Variants in CCND3 observed in about 807,000 individuals in gnomAD.
The protein encoded by CCND3 is cyclin D3, also known as G1/S-specific cyclin-D3.
CCND3 carries 9 observed loss-of-function variants against 28.7 expected under a neutral mutation model. The observed-to-expected ratio is 0.31, with a 90% confidence interval of 0.19 to 0.55. The LOEUF (loss-of-function observed/expected upper bound fraction) is 0.55, where lower values mean the gene tolerates loss of function less well. Among genes scored for constraint, CCND3 ranks in the 20% least tolerant of loss-of-function variants. The pLI is 0.93. For synonymous variants in CCND3, 164 were observed against 163.9 expected (o/e 1.00, Z 0.00); for missense variants, 315 against 385.8 (o/e 0.82, Z 1.54).
upstream of CCND3, among the ~76,000 whole-genome samples, chr6:41,944,065 A>C (rs1181699707): frequency 1.3e-5 from 2 of 152,142 alleles, no homozygotes; most frequent in Non-Finnish European, 2.9e-5. Context: ...TATGTATAAA[A>C]ATGTCCCATC....
At chr6:41,981,495 GCCCGGCCATGAGCCACC>G (rs1762344964) in intron 1 of CCND3, among the ~76,000 whole-genome samples, 1 of 96,284 alleles carries the variant, frequency 1.0e-5, no homozygotes, top group African/African-American at 3.0e-5. Context: ...GAGCCACCAC[GCCCGGCCATGAGCCACC>G]ACGCCCAGCC....
In CCND3 at chr6:41,941,040, C is replaced by A; in HGVS notation, c.198+412G>T. Reference sequence around the variant, plus strand: ...AACAGGGCGCGCGCCACCCCCATCGCCTTCCCCGCCAGAACCCCGCGAAAG... The same window carrying A: ...AACAGGGCGCGCGCCACCCCCATCGACTTCCCCGCCAGAACCCCGCGAAAG... On this transcript the variant is annotated intron_variant, in intron 1 of 4. Coordinates refer to ENST00000372991, the MANE Select transcript of CCND3 (RefSeq NM_001760.5). The surrounding 1 kb of genome is among the most constrained non-coding windows in gnomAD (Gnocchi z 6.1). 1 of 1,602,696 alleles carries A rather than the reference C, an allele frequency of 6.2e-7. No individual in the cohort carries two copies.
At chr6:42,047,575 C>A (rs11754492) in intron 1 of CCND3, among the ~76,000 whole-genome samples, 25,688 of 151,998 alleles carry the variant, frequency 0.17, 2,427 homozygotes, top group South Asian at 0.24. Context: ...CCCAGGTGGA[C>A]CCTCCCAGCT....
Position 42,022,398 on chromosome 6 carries a change from G to A in CCND3, c.-46+26103C>T, listed in dbSNP as rs78560252. Among the ~76,000 whole-genome samples the A allele has an allele frequency of 9.7e-3, 1,477 of 152,314 alleles. 62 individuals carry two copies. The highest frequency in any genetic ancestry group is 0.066 in the Admixed American group (1,002 of 15,280). On this transcript the variant is annotated intron_variant, in intron 1 of 4. Transcript: ENST00000372988. ...ACCTCTCAGCACACACAAAAAGGGT[G>A]GAGGATGGAGGCGGGGAGGAGATGT...
chr6:41,995,842 C>T (rs907332172), intron 1 of CCND3, among the ~76,000 whole-genome samples: 1 of 151,784 alleles, frequency 6.6e-6, no homozygotes, highest in Non-Finnish European at 1.5e-5. Context: ...CTGTTTGAGA[C>T]CAAGAGTTCA....
rs1309277102 is a variant in CCND3 at position 41,939,237 on chromosome 6, G to A, written c.414+1133C>T. Among the ~76,000 whole-genome samples, 1 of 152,038 alleles carries A rather than the reference G, an allele frequency of 6.6e-6. No individual in the cohort carries two copies. The highest frequency in any genetic ancestry group is 6.6e-5 in the Admixed American group (1 of 15,262). On this transcript the variant is annotated intron_variant, in intron 2 of 4. Transcript: ENST00000372991. This position sits in a 1 kb window ranked among gnomAD's most constrained non-coding sequence, Gnocchi z 4.2. ...TGTTCCTCGACTCACAGCAGTCGGGGGCCCCAGTACCCTGGCTTCCCTGCC... is the reference window on the plus strand; with the variant it reads ...TGTTCCTCGACTCACAGCAGTCGGGAGCCCCAGTACCCTGGCTTCCCTGCC...
intron 1 of CCND3, among the ~76,000 whole-genome samples, chr6:42,021,116 G>A (rs116459181): frequency 6.6e-6 from 1 of 152,212 alleles, no homozygotes; most frequent in South Asian, 2.1e-4. Context: ...TTGAGAGAGA[G>A]AGAGAAACAG....
At chr6:42,042,400 G>T (rs1764397777) in intron 1 of CCND3, among the ~76,000 whole-genome samples, 1 of 146,904 alleles carries the variant, frequency 6.8e-6, no homozygotes, top group Non-Finnish European at 1.5e-5. Flanking sequence ...CGTTCTTCTT[G>T]CCCAGACTGG....
At chr6:41,970,981 G>A (rs575474557) in intron 1 of CCND3, among the ~76,000 whole-genome samples, 5 of 151,810 alleles carry the variant, frequency 3.3e-5, no homozygotes, top group East Asian at 1.9e-4. Flanking sequence ...GCAGTGGCGC[G>A]ATCTTGACTT....
intron 1 of CCND3, among the ~76,000 whole-genome samples, chr6:41,995,968 A>G (rs1420943248): frequency 6.6e-6 from 1 of 151,354 alleles, no homozygotes; most frequent in African/African-American, 2.4e-5. Flanking sequence ...ACATAAATGT[A>G]CAGAGAACAG....
intron 1 of CCND3, among the ~76,000 whole-genome samples, chr6:42,021,101 A>G (rs1763699041): frequency 6.6e-6 from 1 of 152,222 alleles, no homozygotes; most frequent in South Asian, 2.1e-4. Flanking sequence ...GTACAAAAAG[A>G]TATTTTGAGA....
chr6:42,010,367 G>C (rs990563830), intron 1 of CCND3, among the ~76,000 whole-genome samples: 4 of 152,216 alleles, frequency 2.6e-5, no homozygotes, highest in Non-Finnish European at 2.9e-5. Context: ...AGAGTAGGGA[G>C]TGAAGCTTTT....
Position 41,936,063 on chromosome 6 carries a change from C to G in CCND3, c.756G>C (p.Arg252Ser), listed in dbSNP as rs369861674. The G allele has an allele frequency of 6.8e-6, 11 of 1,611,568 alleles. No individual in the cohort carries two copies. Among genetic ancestry groups the G allele is most frequent in the Non-Finnish European group, 9.3e-6 (11 of 1,178,722 alleles). Residue 252 changes from arginine (R) to serine (S), a missense_variant, in exon 5 of 5, where the codon AGG becomes AGC. Transcript: ENST00000372991. This position sits in a 1 kb window ranked among gnomAD's most constrained non-coding sequence, Gnocchi z 4.4. ...TCTGAGAGGCTTCCCTGAGGCTCTC[C>G]CTGAGTGCAGCTTCGATCTGCTCCT... ...ACQEQIEAAL[R>S]ESLREASQTS... is the part of the protein sequence containing the mutation.
At chr6:41,984,194 A>G (rs992140279) in intron 1 of CCND3, among the ~76,000 whole-genome samples, 2 of 152,146 alleles carry the variant, frequency 1.3e-5, no homozygotes, top group Non-Finnish European at 2.9e-5. Context: ...TGATCATTCA[A>G]TGGATATTTA....
intron 1 of CCND3, among the ~76,000 whole-genome samples, chr6:42,026,435 G>A (rs1426260740): frequency 6.6e-6 from 1 of 152,124 alleles, no homozygotes; most frequent in Non-Finnish European, 1.5e-5. Flanking sequence ...CCAGAGGGGA[G>A]GGAGTCCAGC....
Position 41,935,592 on chromosome 6 carries a change from T to G in CCND3, c.*348A>C. 2.1e-6 allele frequency: 1 copy of G among 465,458 alleles called. No individual in the cohort carries two copies. Among genetic ancestry groups the G allele is most frequent in the Non-Finnish European group, 3.8e-6 (1 of 260,646 alleles). 28.8% of individuals were successfully genotyped at this position (465,458 alleles called of 1,614,324 possible). A position where few individuals can be genotyped will look rare whatever the true frequency, so the allele number is the denominator to read the frequency against. ...AGAAGGCACTAGAGCATTTTGGCAG[T>G]TGAAAACATGAGAGCCCCCAGGGGT... On this transcript the variant is annotated 3_prime_UTR_variant, in exon 5 of 5. Coordinates refer to ENST00000372991, the MANE Select transcript of CCND3 (RefSeq NM_001760.5).
At position 41,937,401 on chromosome 6, in the gene CCND3, AAG is replaced by A; in HGVS notation, c.415-9_415-8del. The A allele has an allele frequency of 6.2e-7, 1 of 1,613,940 alleles. No individual in the cohort carries two copies. The highest frequency in any genetic ancestry group is 1.1e-5 in the South Asian group (1 of 91,074). ...GGACCAGCACCTCCCAGTCCTGAAA[AAG>A]CGGGGAAAGGGTGGGGTCAGTGGCT... On this transcript the variant is annotated splice_region_variant and splice_polypyrimidine_tract_variant and intron_variant, in intron 2 of 4. Transcript: ENST00000372991.
At chr6:42,006,680 G>T (rs1269891264) in intron 1 of CCND3, among the ~76,000 whole-genome samples, 1 of 152,074 alleles carries the variant, frequency 6.6e-6, no homozygotes, top group Non-Finnish European at 1.5e-5. Flanking sequence ...AGGCTGAGGC[G>T]GGTGGGTCAC....
Position 41,940,545 on chromosome 6 carries a change from A to C in CCND3, c.239T>G (p.Leu80Arg). The C allele has an allele frequency of 6.2e-7, 1 of 1,613,000 alleles. No homozygotes were observed. Among genetic ancestry groups the C allele is most frequent in the Non-Finnish European group, 8.5e-7 (1 of 1,179,632 alleles). Residue 80 changes from leucine (L) to arginine (R), a missense_variant, in exon 2 of 5, where the codon CTG becomes CGG. Physicochemically the swap from Leu to Arg is moderately radical, Grantham distance 102. Transcript: ENST00000372991. Reference sequence around the variant, plus strand: ...GTAGCGATCCAGGTAGTTCATGGCCAGGGGGAAGACTTCCTCCTCACAGCG... The same window carrying C: ...GTAGCGATCCAGGTAGTTCATGGCCCGGGGGAAGACTTCCTCCTCACAGCG... ...EQRCEEEVFP[L>R]AMNYLDRYLS...
Sources: gnomAD v4.1 joint callset for allele counts (sites outside exome capture counted in the v4.1 genomes callset) on GRCh38, gnomAD v4.1.1 for gene constraint, Gnocchi (gnomAD v3.1) non-coding constraint, MANE v1.5 for transcripts, NCBI Gene and HGNC (gene_info 2026-07-23, HGNC 2026-07-21) for gene names.